SLCO2B1: variants seen among roughly 807,000 people sequenced by gnomAD.
The protein encoded by SLCO2B1 is solute carrier organic anion transporter family member 2B1, also known as OATP-RP2.
SLCO2B1 carries 41 observed loss-of-function variants against 67.3 expected under a neutral mutation model. The ratio of observed to expected loss-of-function variants is 0.61; its 90% CI spans 0.47 to 0.79. The LOEUF is 0.79. Among genes scored for constraint, SLCO2B1 ranks in the 30% least tolerant of loss-of-function variants. The probability of loss-of-function intolerance (pLI) is 0.00; values close to 1 mark genes in which losing one functional copy is unlikely to be tolerated. For missense variants in SLCO2B1, 837 were observed against 920.1 expected (o/e 0.91, Z 1.17); for synonymous variants, 379 against 381.4 (o/e 0.99, Z 0.07).
intron 7 of SLCO2B1, among the ~76,000 whole-genome samples, chr11:75,174,332 G>C (rs1037138320): frequency 6.6e-6 from 1 of 150,542 alleles, no homozygotes; most frequent in Non-Finnish European, 1.5e-5. Flanking sequence ...TTTGCTGCAA[G>C]AGCATTTCTG....
At chr11:75,198,923 C>G (rs537585984) in intron 10 of SLCO2B1, among the ~76,000 whole-genome samples, 15 of 152,278 alleles carry the variant, frequency 9.9e-5, no homozygotes, top group Admixed American at 2.0e-4. Flanking sequence ...ATAAGAAAAA[C>G]TTCCTGCCAT....
In SLCO2B1 at chr11:75,200,253, G is replaced by A. The variant is rs766846035; in HGVS notation, c.1629G>A (p.Val543=). Residue 543 remains valine (V), a synonymous_variant, in exon 11 of 14, where the codon GTG becomes GTA. Transcript: ENST00000289575. ...QVFYTNCSCV[V]EGNPVLAGSC... ...TCTACACCAACTGCAGCTGCGTGGT[G>A]GAGGGCAACCCCGTGCTGGCAGGAT... The A allele has an allele frequency of 1.7e-5, 27 of 1,613,402 alleles. No homozygotes were observed. Among genetic ancestry groups the A allele is most frequent in the Non-Finnish European group, 2.2e-5 (26 of 1,179,598 alleles).
At chr11:75,182,018 G>A (rs1485357297) in intron 7 of SLCO2B1, among the ~76,000 whole-genome samples, 2 of 152,150 alleles carry the variant, frequency 1.3e-5, no homozygotes, top group African/African-American at 2.4e-5. Context: ...CAAACCACCC[G>A]AGTCTGGCTG....
At position 75,203,327 on chromosome 11, in the gene SLCO2B1, A is replaced by T. The variant is rs757942683; in HGVS notation, c.1849A>T (p.Ile617Phe). ...RILAWMPSPV[I>F]HGSAIDTTCV... ...CTCAGCCTGGATGCCCAGCCCCGTG[A>T]TCCACGGCAGCGCCATCGACACCAC... Residue 617 changes from isoleucine to phenylalanine, a missense_variant, in exon 13 of 14, where the codon ATC (isoleucine) becomes TTC (phenylalanine). Physicochemically the swap from Ile to Phe is conservative, Grantham distance 21. Coordinates refer to ENST00000289575, the MANE Select transcript of SLCO2B1 (RefSeq NM_007256.5). 1 of 1,613,884 alleles carries T rather than the reference A, an allele frequency of 6.2e-7. No individual in the cohort carries two copies. The highest frequency in any genetic ancestry group is 1.1e-5 in the South Asian group (1 of 91,068).
At chr11:75,172,695 C>A in intron 7 of SLCO2B1, 126 bp downstream of exon 7, 1 of 811,084 alleles carries the variant, frequency 1.2e-6, no homozygotes, top group Non-Finnish European at 1.9e-6. Context: ...TTTGGGAGGC[C>A]AAGGCGGTTG....
Position 75,196,666 on chromosome 11 carries a change from T to C in SLCO2B1, c.1586T>C (p.Leu529Pro). ...GCSSWVVQDALDNSQVFYTNC... is the reference protein window; with the variant it reads ...GCSSWVVQDAPDNSQVFYTNC... ...TCAAGCTGGGTGGTCCAGGATGCTC[T>C]GGACAACAGCCAGGTGAGTCAGGCC... The change falls in exon 10 of 14, where the codon CTG becomes CCG. Residue 529 changes from leucine to proline, a missense_variant. Transcript: ENST00000289575. 6.2e-7 allele frequency: 1 copy of C among 1,613,452 alleles called. No homozygotes were observed. Among genetic ancestry groups the C allele is most frequent in the Non-Finnish European group, 8.5e-7 (1 of 1,179,800 alleles).
intron 4 of SLCO2B1, among the ~76,000 whole-genome samples, chr11:75,168,592 T>A (rs1288696577): frequency 3.3e-5 from 5 of 152,190 alleles, no homozygotes; most frequent in Non-Finnish European, 7.3e-5. Flanking sequence ...CCAAAGTGAA[T>A]GCCAAGGGCC....
chr11:75,203,648 A>T lies in SLCO2B1; in HGVS notation c.1949+221A>T. ...CAGTTAAAGCAAGTAGCCCAAGGTC[A>T]CACAGCTAATAACTTGCAGAGCTGG... On this transcript the variant is annotated intron_variant, in intron 13 of 13. Transcript: ENST00000289575. The T allele has an allele frequency of 5.4e-6, 3 of 559,856 alleles. No homozygotes were observed. In the South Asian group the frequency reaches 6.3e-5, roughly 12 times the overall value. The allele number at this position is 559,856 out of a possible 1,614,324, so 34.7% of individuals were successfully genotyped here. A position where few individuals can be genotyped will look rare whatever the true frequency, so the allele number is the denominator to read the frequency against.
rs143547556 is a variant in SLCO2B1, at chr11:75,172,569, G to A, written c.972G>A (p.Lys324=). 9.4e-4 allele frequency: 1,518 copies of A among 1,612,852 alleles called. 1 individual carries two copies. Among genetic ancestry groups the A allele is most frequent in the Non-Finnish European group, 1.2e-3 (1,466 of 1,179,158 alleles). The change falls in exon 7 of 14, where the codon AAG becomes AAA. Residue 324 remains lysine (K), a splice_region_variant and synonymous_variant. Coordinates refer to ENST00000289575, the MANE Select transcript of SLCO2B1 (RefSeq NM_007256.5). ...CAGTCACAGACTCACCTGCCAGGAA[G>A]GTAAGCTCCCTCCATGTCACCTGAC... is the stretch of plus-strand genomic sequence containing the variant. ...VLAVTDSPAR[K]GKDSPSKQSP... is the part of the protein sequence containing the mutation.
At chr11:75,159,497 C>T (rs970226009) in intron 1 of SLCO2B1, among the ~76,000 whole-genome samples, 1 of 152,262 alleles carries the variant, frequency 6.6e-6, no homozygotes, top group African/African-American at 2.4e-5. Context: ...AGGGCAGGGT[C>T]TCAGTGCCCT....
At chr11:75,174,508 C>T (rs1950001354) in intron 7 of SLCO2B1, among the ~76,000 whole-genome samples, 2 of 152,134 alleles carry the variant, frequency 1.3e-5, no homozygotes, top group South Asian at 4.1e-4. Context: ...AGCTGCCCTG[C>T]TATGGGATGT....
Position 75,188,304 on chromosome 11 carries a change from C to T in SLCO2B1, c.1075+66C>T, listed in dbSNP as rs1320748886. The stretch of plus-strand genomic sequence containing the variant: ...AGGGGTCTTCGAGATTGTCAGGATC[C>T]AGTCCTTCCTGCTTTTCTTGATTCA... On this transcript the variant is annotated intron_variant, in intron 8 of 13. Transcript: ENST00000289575. The T allele has an allele frequency of 3.9e-6, 4 of 1,021,282 alleles. No homozygotes were observed. The African/African-American group carries it at 6.3e-5, about 16-fold the overall frequency. 63.3% of individuals were successfully genotyped at this position (1,021,282 alleles called of 1,614,324 possible). A position where few individuals can be genotyped will look rare whatever the true frequency, so the allele number is the denominator to read the frequency against.
intron 6 of SLCO2B1, 150 bp from the exon 7 acceptor site, chr11:75,172,229 C>A: frequency 1.5e-6 from 1 of 667,084 alleles, no homozygotes. Context: ...CAGGGTCACA[C>A]AGGACACACC....
rs1245463259 is a variant in SLCO2B1 at position 75,151,267 on chromosome 11, T to TGGCTCACCTGCTGC, written c.-114_-101dup. On this transcript the variant is annotated 5_prime_UTR_variant, in exon 1 of 14. The change abolishes the stop of an existing upstream ORF in the 5' untranslated region. Coordinates refer to ENST00000289575, the MANE Select transcript of SLCO2B1 (RefSeq NM_007256.5). Reference sequence around the variant, plus strand: ...TCCCACCGTTATTGCATCCCTGCTGTGGCTCACCTGCTGCTGTCTCCAGGA... The same window carrying TGGCTCACCTGCTGC: ...TCCCACCGTTATTGCATCCCTGCTGTGGCTCACCTGCTGCGGCTCACCTGCTGCTGTCTCCAGGA... 1.7e-5 allele frequency: 15 copies of TGGCTCACCTGCTGC among 880,922 alleles called. 1 individual carries two copies. The Admixed American group carries it at 1.7e-4, about 10-fold the overall frequency. The allele number at this position is 880,922 out of a possible 1,614,324, so 54.6% of individuals were successfully genotyped here.
chr11:75,180,626 T>C (rs943288941), intron 7 of SLCO2B1, among the ~76,000 whole-genome samples: 1 of 152,362 alleles, frequency 6.6e-6, no homozygotes, highest in East Asian at 1.9e-4. Flanking sequence ...TTCTATATCC[T>C]ACTTGCACTA....
At chr11:75,187,876 G>C (rs529196095) in intron 7 of SLCO2B1, among the ~76,000 whole-genome samples, 1 of 152,322 alleles carries the variant, frequency 6.6e-6, no homozygotes, top group African/African-American at 2.4e-5. Flanking sequence ...GATGTTAATA[G>C]TGGTCATGAC....
chr11:75,196,816 G>A, intron 10 of SLCO2B1, 137 bp downstream of exon 10: 1 of 824,702 alleles, frequency 1.2e-6, no homozygotes, highest in African/African-American at 1.7e-5. Context: ...GTTGGCAGAT[G>A]TAGAACATTA....
chr11:75,189,278 T>A (rs1286903793), intron 8 of SLCO2B1, among the ~76,000 whole-genome samples: 1 of 152,164 alleles, frequency 6.6e-6, no homozygotes, highest in Non-Finnish European at 1.5e-5. Context: ...AAGACTTGGA[T>A]TTGAGCCCTG....
At position 75,203,321 on chromosome 11, in the gene SLCO2B1, C is replaced by A; in HGVS notation, c.1843C>A (p.Pro615Thr). 1 of 1,613,866 alleles carries A rather than the reference C, an allele frequency of 6.2e-7. No individual in the cohort carries two copies. The change falls in exon 13 of 14, where the codon CCC (proline) becomes ACC (threonine). Residue 615 changes from proline to threonine, a missense_variant. By Grantham distance (38) the Pro-to-Thr change is conservative. Transcript: ENST00000289575. Reference sequence around the variant, plus strand: ...ACCTCCCTCAGCCTGGATGCCCAGCCCCGTGATCCACGGCAGCGCCATCGA... The same window carrying A: ...ACCTCCCTCAGCCTGGATGCCCAGCACCGTGATCCACGGCAGCGCCATCGA... ...FLRILAWMPS[P>T]VIHGSAIDTT...
Sources: allele counts gnomAD v4.1 joint callset (sites outside exome capture counted in the v4.1 genomes callset), GRCh38; gene constraint gnomAD v4.1.1; transcripts MANE v1.5; gene names NCBI Gene and HGNC (gene_info 2026-07-23, HGNC 2026-07-21).